The following ACSM2B variants were observed in gnomAD, a reference collection of about 807,000 sequenced individuals.
ACSM2B encodes the protein acyl-coenzyme A synthetase ACSM2B, mitochondrial.
Under a neutral mutation model 78.6 loss-of-function variants are expected in ACSM2B, and 58 were observed. The observed-to-expected ratio is 0.74, with a 90% CI of 0.60 to 0.92. The LOEUF (loss-of-function observed/expected upper bound fraction) is 0.92. Among genes scored for constraint, ACSM2B ranks in the 40% least tolerant of loss-of-function variants. The pLI is 0.00. For missense variants in ACSM2B, 688 were observed against 711.2 expected (o/e 0.97, Z 0.37); for synonymous variants, 257 against 256.8 (o/e 1.00, Z -0.01).
intron 9 of ACSM2B, among the ~76,000 whole-genome samples, chr16:20,545,938 G>A (rs1293060517): frequency 6.6e-6 from 1 of 152,088 alleles, no homozygotes; most frequent in Non-Finnish European, 1.5e-5. Flanking sequence ...TGAAAACTGG[G>A]ACATCATCCC....
At chr16:20,554,383 A>C (rs1250099912) in intron 4 of ACSM2B, among the ~76,000 whole-genome samples, 1 of 152,154 alleles carries the variant, frequency 6.6e-6, no homozygotes, top group African/African-American at 2.4e-5. Context: ...TATTCCCTGG[A>C]AGCACCTACA....
At position 20,536,238 on chromosome 16, in the gene ACSM2B, T is replaced by C. The variant is rs1009688055; in HGVS notation, c.*1020A>G. On this transcript the variant is annotated 3_prime_UTR_variant, in exon 14 of 14. Coordinates refer to ENST00000329697, the MANE Select transcript of ACSM2B (RefSeq NM_001105069.2). Reference sequence around the variant, plus strand: ...CCTCATCCCTGTCTTTTTTTGTTTTTCCTAAAGACTATTGTCAGGATCTTG... The same window carrying C: ...CCTCATCCCTGTCTTTTTTTGTTTTCCCTAAAGACTATTGTCAGGATCTTG... 2.0e-5 allele frequency: 3 copies of C among 152,194 alleles called. No individual in the cohort carries two copies. Among genetic ancestry groups the C allele is most frequent in the Non-Finnish European group, 4.4e-5 (3 of 68,026 alleles). The allele number at this position is 152,194 out of a possible 1,614,324, so 9.4% of individuals were successfully genotyped here. A position where few individuals can be genotyped will look rare whatever the true frequency, so the allele number is the denominator to read the frequency against.
intron 3 of ACSM2B, among the ~76,000 whole-genome samples, chr16:20,558,182 C>A (rs1321698857): frequency 6.6e-6 from 1 of 152,046 alleles, no homozygotes; most frequent in African/African-American, 2.4e-5. Flanking sequence ...TTCTTCAGAC[C>A]TTGCATTCTG....
chr16:20,549,065 G>A (rs964167719), intron 6 of ACSM2B, among the ~76,000 whole-genome samples: 1 of 152,100 alleles, frequency 6.6e-6, no homozygotes, highest in African/African-American at 2.4e-5. Flanking sequence ...TGGAGTGTGC[G>A]CTATCATCCT....
chr16:20,552,106 C>A (rs775304436), intron 6 of ACSM2B, 38 bp downstream of exon 6: 5 of 1,557,896 alleles, frequency 3.2e-6, no homozygotes, highest in South Asian at 1.3e-5. Context: ...ACCTCGGGCT[C>A]ACTCTGAATA....
rs544241537 is a variant in ACSM2B at position 20,561,870 on chromosome 16, C to T, written c.178-2423G>A. The stretch of plus-strand genomic sequence containing the variant: ...CTAATGTTATCCCTCCCCCCTCCCC[C>T]CACCCCATAACAGGCCCAGTGTGTG... On this transcript the variant is annotated intron_variant, in intron 2 of 13. Transcript: ENST00000329697. 2.0e-3 allele frequency among the ~76,000 whole-genome samples: 218 copies of T among 108,610 alleles called. 4 individuals carry two copies. The highest frequency in any genetic ancestry group is 7.4e-3 in the African/African-American group (211 of 28,578). 71.3% of individuals were successfully genotyped at this position (108,610 alleles called of 152,430 possible).
intron 7 of ACSM2B, 54 bp downstream of exon 7, chr16:20,548,340 G>C (rs1458096515): frequency 2.5e-6 from 4 of 1,610,020 alleles, no homozygotes; most frequent in East Asian, 2.2e-5. Flanking sequence ...ATGTATGTGA[G>C]GGAGTCAGGG....
intron 1 of ACSM2B, among the ~76,000 whole-genome samples, chr16:20,566,392 T>G (rs1178143128): frequency 1.5e-5 from 2 of 132,606 alleles, no homozygotes; most frequent in African/African-American, 2.8e-5. Flanking sequence ...TACTACATTA[T>G]ATGTGGATAT....
chr16:20,541,978 C>A (rs2015006792), intron 12 of ACSM2B: 1 of 152,196 alleles, frequency 6.6e-6, no homozygotes, highest in African/African-American at 2.4e-5. Flanking sequence ...TTTATCATTT[C>A]ATAATATTTG....
rs774254811 is a variant in ACSM2B, at chr16:20,559,462, A to T, written c.178-15T>A. The T allele has an allele frequency of 1.9e-6, 3 of 1,609,128 alleles. No individual in the cohort carries two copies. Among genetic ancestry groups the T allele is most frequent in the Admixed American group, 3.3e-5 (2 of 59,926 alleles). ...CGCTTGCCAGCCTGAGGAAAGAGAA[A>T]CCCTGTTGATTAGGGGGCATTGGTA... On this transcript the variant is annotated splice_polypyrimidine_tract_variant and intron_variant, in intron 2 of 13. Coordinates refer to ENST00000329697, the MANE Select transcript of ACSM2B (RefSeq NM_001105069.2).
chr16:20,553,854 A>G lies in ACSM2B; in HGVS notation c.663T>C (p.Thr221=). 1 of 1,613,938 alleles carries G rather than the reference A, an allele frequency of 6.2e-7. No individual in the cohort carries two copies. The highest frequency in any genetic ancestry group is 8.5e-7 in the Non-Finnish European group (1 of 1,179,870). The change falls in exon 5 of 14, where the codon ACT becomes ACC. Residue 221 remains threonine, a synonymous_variant. Coordinates refer to ENST00000329697, the MANE Select transcript of ACSM2B (RefSeq NM_001105069.2). The part of the protein sequence containing the change: ...GSQEASAIYF[T]SGTSGLPKMA... ...TCTTGGGAAGACCACTGGTCCCACT[A>G]GTGAAGTAGATGGCAGATGCTTCCT...
chr16:20,555,804 A>G (rs1323772787), intron 3 of ACSM2B, among the ~76,000 whole-genome samples: 2 of 152,176 alleles, frequency 1.3e-5, no homozygotes, highest in Non-Finnish European at 2.9e-5. Flanking sequence ...AGTTCGCTGT[A>G]TTCAAAACTC....
In ACSM2B at chr16:20,544,876, G is replaced by T. The variant is rs1047248800; in HGVS notation, c.1281+281C>A. On this transcript the variant is annotated intron_variant, in intron 10 of 13. Coordinates refer to ENST00000329697, the MANE Select transcript of ACSM2B (RefSeq NM_001105069.2). ...GGGAATGGTGCTGTGTATAGTTCAG[G>T]GTCAATAATATTTTGGGCATGAAAC... is the stretch of plus-strand genomic sequence containing the variant. 6.2e-6 allele frequency: 7 copies of T among 1,124,166 alleles called. No homozygotes were observed. In the East Asian group the frequency reaches 1.5e-4, roughly 24 times the overall value. 69.6% of individuals were successfully genotyped at this position (1,124,166 alleles called of 1,614,324 possible).
At chr16:20,569,453 C>T (rs1228569243) in intron 1 of ACSM2B, among the ~76,000 whole-genome samples, 1 of 151,944 alleles carries the variant, frequency 6.6e-6, no homozygotes, top group Non-Finnish European at 1.5e-5. Context: ...TATACCAGAC[C>T]ATGCTGTTTT....
chr16:20,548,307 G>C (rs373238431), intron 7 of ACSM2B, 87 bp downstream of exon 7: 6 of 1,606,634 alleles, frequency 3.7e-6, no homozygotes, highest in Non-Finnish European at 2.6e-6. Context: ...CTGTGTGCGA[G>C]AGATTCAGAT....
intron 3 of ACSM2B, among the ~76,000 whole-genome samples, chr16:20,557,647 T>C (rs1354241302): frequency 6.6e-6 from 1 of 152,230 alleles, no homozygotes; most frequent in Non-Finnish European, 1.5e-5. Flanking sequence ...ACTGGATAAA[T>C]GTCCACAACT....
intron 1 of ACSM2B, among the ~76,000 whole-genome samples, chr16:20,570,387 A>G (rs1471354166): frequency 6.6e-6 from 1 of 151,994 alleles, no homozygotes; most frequent in African/African-American, 2.4e-5. Context: ...ATGTTAAACC[A>G]TTCCTGCATC....
chr16:20,564,426 C>T (rs1423415838), intron 2 of ACSM2B, among the ~76,000 whole-genome samples: 1 of 152,100 alleles, frequency 6.6e-6, no homozygotes, highest in Non-Finnish European at 1.5e-5. Context: ...ACAGTGTAAA[C>T]AAACTGTGTG....
intron 6 of ACSM2B, among the ~76,000 whole-genome samples, chr16:20,549,175 C>G (rs1265978397): frequency 6.6e-6 from 1 of 152,158 alleles, no homozygotes; most frequent in African/African-American, 2.4e-5. Context: ...GCATGTATTC[C>G]TGTCATATAA....
Sources: allele counts gnomAD v4.1 joint callset (sites outside exome capture counted in the v4.1 genomes callset), GRCh38; gene constraint gnomAD v4.1.1; transcripts MANE v1.5; gene names NCBI Gene and HGNC (gene_info 2026-07-23, HGNC 2026-07-21).